Variants in GPC3 observed in about 807,000 individuals in gnomAD.
The protein encoded by GPC3 is glypican-3.
GPC3 carries 3 observed loss-of-function variants against 34.4 expected under a neutral mutation model. The ratio of observed to expected loss-of-function variants is 0.09; its 90% CI spans 0.04 to 0.23. The LOEUF is 0.23. GPC3 is among the 10% of genes least tolerant of loss of function. The pLI is 1.00. For missense variants in GPC3, 351 were observed against 445.6 expected, an observed-to-expected ratio of 0.79 and a Z score of 1.91; for synonymous variants, 177 against 174.0, an observed-to-expected ratio of 1.02 and a Z score of -0.13.
chrX:133,776,419 G>A (rs776796395), intron 2 of GPC3, among the ~76,000 whole-genome samples: 6 of 111,252 alleles, frequency 5.4e-5, no homozygotes, highest in Non-Finnish European at 7.5e-5. Flanking sequence ...ATTCGAGATC[G>A]CTAAACTGTG....
At chrX:133,763,297 G>A in intron 2 of GPC3, 1 of 565,057 alleles carries the variant, frequency 1.8e-6, no homozygotes. Flanking sequence ...CAACAAGGGA[G>A]CTCACTCAGT....
At chrX:133,763,160 T>A in intron 2 of GPC3, 1 of 722,221 alleles carries the variant, frequency 1.4e-6, no homozygotes, top group Non-Finnish European at 2.2e-6. Flanking sequence ...CCGCAGCTTC[T>A]TGTGGTTACT....
chrX:133,933,208 T>C (rs755922770), intron 2 of GPC3, among the ~76,000 whole-genome samples: 1 of 110,662 alleles, frequency 9.0e-6, no homozygotes, highest in South Asian at 4.0e-4. Context: ...AAACGGACCC[T>C]TGAGTTGCTT....
rs773761716 is a variant in GPC3 at position 133,797,972 on chromosome X, A to G, written c.338-43796T>C. ...GCTCTCTTTCTGAAGAAAAATTATA[A>G]TAAGTTTCCTAAAGTCTCAAGTTGA... On this transcript the variant is annotated intron_variant, in intron 2 of 7. Coordinates refer to ENST00000370818, the MANE Select transcript of GPC3 (RefSeq NM_004484.4). 2.7e-5 allele frequency among the ~76,000 whole-genome samples: 3 copies of G among 112,138 alleles called. No homozygotes were observed. The Admixed American group carries it at 2.8e-4, about 11-fold the overall frequency.
At chrX:133,859,136 C>A (rs933449258) in intron 2 of GPC3, among the ~76,000 whole-genome samples, 1 of 109,589 alleles carries the variant, frequency 9.1e-6, no homozygotes, top group African/African-American at 3.3e-5. Flanking sequence ...ATAAGTTTAG[C>A]AAACCCTATA....
intron 5 of GPC3, among the ~76,000 whole-genome samples, chrX:133,672,895 C>T (rs1170436324): frequency 9.2e-6 from 1 of 108,376 alleles, no homozygotes; most frequent in African/African-American, 3.4e-5. Context: ...CGTGATCCGC[C>T]TGCCTCGGCC....
chrX:133,835,058 C>T (rs1389234907), intron 2 of GPC3, among the ~76,000 whole-genome samples: 2 of 111,923 alleles, frequency 1.8e-5, no homozygotes, highest in African/African-American at 6.5e-5. Flanking sequence ...TGTAAAGGCC[C>T]TATATTTTAC....
At chrX:133,791,541 A>C (rs1282402513) in intron 2 of GPC3, among the ~76,000 whole-genome samples, 1 of 111,546 alleles carries the variant, frequency 9.0e-6, no homozygotes, top group Non-Finnish European at 1.9e-5. Flanking sequence ...TATCTTACTT[A>C]GATGCAACTC....
At chrX:133,979,091 G>A (rs924037182) in intron 1 of GPC3, among the ~76,000 whole-genome samples, 1 of 111,992 alleles carries the variant, frequency 8.9e-6, no homozygotes, top group African/African-American at 3.2e-5. Context: ...ATGGCTGGAC[G>A]GTGGAAGTTT....
chrX:133,711,260 G>A (rs189012145), intron 3 of GPC3, among the ~76,000 whole-genome samples: 1 of 112,197 alleles, frequency 8.9e-6, no homozygotes, highest in African/African-American at 3.2e-5. Context: ...ACTTTAATGT[G>A]TATACAAATC....
At chrX:133,748,887 C>T (rs750885632) in intron 3 of GPC3, among the ~76,000 whole-genome samples, 2 of 111,838 alleles carry the variant, frequency 1.8e-5, no homozygotes, top group East Asian at 5.7e-4. Context: ...ACCTCTGGGG[C>T]TTATTTTCTT....
chrX:133,604,740 A>G (rs1252159716), intron 6 of GPC3, among the ~76,000 whole-genome samples: 1 of 111,925 alleles, frequency 8.9e-6, no homozygotes. Context: ...TTCTGTAGGC[A>G]TTTTTTAATA....
chrX:133,872,017 C>T (rs2075995763), intron 2 of GPC3, among the ~76,000 whole-genome samples: 2 of 111,150 alleles, frequency 1.8e-5, no homozygotes, highest in Admixed American at 9.6e-5. Context: ...AATCATAGCT[C>T]ACTGCAGCCT....
chrX:133,701,832 A>G (rs745675725), intron 3 of GPC3, among the ~76,000 whole-genome samples: 6 of 111,978 alleles, frequency 5.4e-5, no homozygotes, highest in Non-Finnish European at 1.1e-4. Flanking sequence ...AAGGCTTTTC[A>G]TATAAATAAA....
At chrX:133,811,814 T>C (rs984639819) in intron 2 of GPC3, among the ~76,000 whole-genome samples, 1 of 112,212 alleles carries the variant, frequency 8.9e-6, no homozygotes, top group African/African-American at 3.2e-5. Flanking sequence ...CCAGACTAAT[T>C]ACAGAGTTAG....
At chrX:133,588,822 G>A (rs1052263241) in intron 7 of GPC3, among the ~76,000 whole-genome samples, 3 of 111,907 alleles carry the variant, frequency 2.7e-5, no homozygotes, top group Non-Finnish European at 5.6e-5. Context: ...AGATTATAAA[G>A]TAACTATAAA....
intron 2 of GPC3, among the ~76,000 whole-genome samples, chrX:133,887,407 T>C (rs1018959548): frequency 1.8e-5 from 2 of 112,487 alleles, no homozygotes; most frequent in Admixed American, 1.9e-4. Context: ...TACTAAGTGT[T>C]TCCCTAATGA....
At chrX:133,841,215 A>AT (rs769696321) in intron 2 of GPC3, among the ~76,000 whole-genome samples, 425 of 39,206 alleles carry the variant, frequency 0.011, 21 homozygotes, top group East Asian at 0.026. Context: ...TAATCTTTTA[A>AT]TTTTTTTTTT....
intron 3 of GPC3, among the ~76,000 whole-genome samples, chrX:133,749,605 C>T (rs183142862): frequency 9.0e-6 from 1 of 111,662 alleles, no homozygotes; most frequent in South Asian, 3.8e-4. Flanking sequence ...ATGACAGCCA[C>T]AAAAACAACT....
Sources: gnomAD v4.1 joint callset for allele counts (sites outside exome capture counted in the v4.1 genomes callset) on GRCh38, gnomAD v4.1.1 for gene constraint, MANE v1.5 for transcripts, NCBI Gene and HGNC (gene_info 2026-07-23, HGNC 2026-07-21) for gene names.